The following RASGEF1C variants were observed in gnomAD, a reference collection of about 807,000 sequenced individuals.
RASGEF1C encodes ras-GEF domain-containing family member 1C.
In RASGEF1C, 27 loss-of-function variants were observed where a neutral mutation model predicts 58.1. The observed-to-expected ratio is 0.46, with a 90% confidence interval of 0.34 to 0.64. RASGEF1C has a LOEUF of 0.64. RASGEF1C is among the 30% of genes least tolerant of loss of function. RASGEF1C has a pLI of 0.01. For missense variants in RASGEF1C, 502 were observed against 605.1 expected (o/e 0.83, Z 1.79); for synonymous variants, 243 against 246.3 (o/e 0.99, Z 0.13).
Position 180,158,206 on chromosome 5 carries a change from C to T in RASGEF1C, c.-6-20148G>A, listed in dbSNP as rs186688880. Among the ~76,000 whole-genome samples the T allele has an allele frequency of 2.0e-5, 3 of 152,302 alleles. No homozygotes were observed. Among genetic ancestry groups the T allele is most frequent in the Non-Finnish European group, 4.4e-5 (3 of 68,034 alleles). On this transcript the variant is annotated intron_variant, in intron 1 of 13. Coordinates refer to ENST00000361132, the MANE Select transcript of RASGEF1C (RefSeq NM_175062.4). This position sits in a 1 kb window ranked among gnomAD's most constrained non-coding sequence, Gnocchi z 4.0. Reference sequence around the variant, plus strand: ...ATCTACTTCCTAGCTCACGCTGCTGCAGTGGGGCTCAGTTGCCCTCTGGAT... The same window carrying T: ...ATCTACTTCCTAGCTCACGCTGCTGTAGTGGGGCTCAGTTGCCCTCTGGAT...
chr5:180,119,243 C>T, intron 8 of RASGEF1C, 103 bp downstream of exon 8: 1 of 1,002,104 alleles, frequency 1.0e-6, no homozygotes, highest in Non-Finnish European at 1.6e-6. Context: ...TCCCGCTGCT[C>T]AGAGGAGAGC....
rs374899452 is a variant in RASGEF1C, at chr5:180,103,258, T to C, written c.1304-1115A>G. On this transcript the variant is annotated intron_variant, in intron 12 of 13. Transcript: ENST00000361132. Reference sequence around the variant, plus strand: ...ACGCCCGGCTAATGTTTTGTATTTTTAGTAGAGATGGGGTTTCACCGTGTT... The same window carrying C: ...ACGCCCGGCTAATGTTTTGTATTTTCAGTAGAGATGGGGTTTCACCGTGTT... Among the ~76,000 whole-genome samples the C allele has an allele frequency of 4.7e-4, 71 of 152,284 alleles. 1 individual carries two copies. In the South Asian group the frequency reaches 0.014, roughly 30 times the overall value.
chr5:180,117,439 A>G (rs1766087501), intron 10 of RASGEF1C, among the ~76,000 whole-genome samples: 1 of 152,214 alleles, frequency 6.6e-6, no homozygotes, highest in Admixed American at 6.5e-5. Flanking sequence ...GGAGACAGAC[A>G]TGCATGCACC....
chr5:180,144,925 G>A (rs1044257330), intron 1 of RASGEF1C, among the ~76,000 whole-genome samples: 11 of 152,088 alleles, frequency 7.2e-5, no homozygotes, highest in Non-Finnish European at 1.2e-4. Context: ...AGTGACTGGC[G>A]TATTTCATTC....
At chr5:180,124,460 G>A (rs1460403744) in intron 6 of RASGEF1C, among the ~76,000 whole-genome samples, 1 of 152,196 alleles carries the variant, frequency 6.6e-6, no homozygotes, top group Non-Finnish European at 1.5e-5. Flanking sequence ...ATCCAGGGAA[G>A]TGTGAAAAAG....
At chr5:180,126,806 C>T (rs1766270530) in intron 6 of RASGEF1C, among the ~76,000 whole-genome samples, 1 of 152,118 alleles carries the variant, frequency 6.6e-6, no homozygotes, top group South Asian at 2.1e-4. Flanking sequence ...GGGTGTGTAT[C>T]TGTGGGATAA....
intron 1 of RASGEF1C, among the ~76,000 whole-genome samples, chr5:180,148,924 TTATC>T (rs1766700256): frequency 2.6e-5 from 4 of 152,204 alleles, no homozygotes; most frequent in African/African-American, 9.6e-5. Flanking sequence ...CGATTCTTGT[TTATC>T]TAGGAATGTC....
chr5:180,179,029 G>T (rs1241107154), intron 1 of RASGEF1C, among the ~76,000 whole-genome samples: 1 of 152,128 alleles, frequency 6.6e-6, no homozygotes, highest in Non-Finnish European at 1.5e-5. Flanking sequence ...GAGGAGGCGG[G>T]TTTATGACCA....
intron 4 of RASGEF1C, among the ~76,000 whole-genome samples, chr5:180,132,200 T>C (rs1444500722): frequency 1.3e-5 from 2 of 152,230 alleles, no homozygotes; most frequent in Non-Finnish European, 2.9e-5. Flanking sequence ...GCTGAAGCCC[T>C]CTCTCCGCAC....
rs1187242205 is a variant in RASGEF1C at position 180,118,879 on chromosome 5, G to A, written c.908-13C>T. 5.6e-6 allele frequency: 9 copies of A among 1,613,580 alleles called. No individual in the cohort carries two copies. Among genetic ancestry groups the A allele is most frequent in the Non-Finnish European group, 7.6e-6 (9 of 1,179,620 alleles). On this transcript the variant is annotated splice_polypyrimidine_tract_variant and intron_variant, in intron 8 of 13. Transcript: ENST00000361132. ...ATGTTCATGCCGGCTGGAAGAGGGAGGAGGGTTGGAGAGGGCTGCTCCTGG... is the reference window on the plus strand; with the variant it reads ...ATGTTCATGCCGGCTGGAAGAGGGAAGAGGGTTGGAGAGGGCTGCTCCTGG...
At chr5:180,182,122 G>A (rs1057420966) in intron 1 of RASGEF1C, among the ~76,000 whole-genome samples, 2 of 149,232 alleles carry the variant, frequency 1.3e-5, no homozygotes, top group South Asian at 2.1e-4. Flanking sequence ...GGAGAATGGC[G>A]GGAACCCGGG....
At chr5:180,121,451 C>T (rs1302742950) in intron 6 of RASGEF1C, among the ~76,000 whole-genome samples, 2 of 151,930 alleles carry the variant, frequency 1.3e-5, no homozygotes, top group African/African-American at 4.8e-5. Context: ...GTAGGTGGGA[C>T]TACAGGCGCC....
Position 180,142,570 on chromosome 5 carries a change from A to G in RASGEF1C, c.-6-4512T>C, listed in dbSNP as rs1165775263. 3.3e-5 allele frequency among the ~76,000 whole-genome samples: 5 copies of G among 152,130 alleles called. No homozygotes were observed. In the East Asian group the frequency reaches 9.6e-4, roughly 29 times the overall value. On this transcript the variant is annotated intron_variant, in intron 1 of 13. Transcript: ENST00000361132. Reference sequence around the variant, plus strand: ...TCTCGAGCAGCACAGATGGCAAACAAAGGGAGCATGGACGGGGAGGTGCAC... The same window carrying G: ...TCTCGAGCAGCACAGATGGCAAACAGAGGGAGCATGGACGGGGAGGTGCAC...
intron 1 of RASGEF1C, among the ~76,000 whole-genome samples, chr5:180,190,292 C>A (rs539112617): frequency 6.6e-6 from 1 of 151,476 alleles, no homozygotes; most frequent in African/African-American, 2.4e-5. Context: ...TCGAGACCAT[C>A]CTGGCTAACA....
chr5:180,141,030 G>A (rs979068996), intron 1 of RASGEF1C, among the ~76,000 whole-genome samples: 5 of 152,176 alleles, frequency 3.3e-5, no homozygotes, highest in African/African-American at 7.2e-5. Context: ...AGGGTCCCTC[G>A]CTCCACCTGT....
intron 1 of RASGEF1C, among the ~76,000 whole-genome samples, chr5:180,165,593 C>T (rs939972151): frequency 1.3e-5 from 2 of 151,386 alleles, no homozygotes; most frequent in African/African-American, 4.9e-5. Context: ...ATCACTTGAA[C>T]CCAGGAAGTG....
chr5:180,106,439 T>C (rs1236172903), intron 12 of RASGEF1C, among the ~76,000 whole-genome samples: 1 of 152,232 alleles, frequency 6.6e-6, no homozygotes, highest in African/African-American at 2.4e-5. Context: ...AGATTTCCTC[T>C]GAGTCCTGCT....
intron 11 of RASGEF1C, among the ~76,000 whole-genome samples, chr5:180,113,779 ATTGG>A (rs1766015391): frequency 2.0e-5 from 3 of 151,426 alleles, no homozygotes. Flanking sequence ...GGACGGAGGG[ATTGG>A]GGATGGATGG....
chr5:180,182,251 C>T (rs1483069236), intron 1 of RASGEF1C, among the ~76,000 whole-genome samples: 3 of 145,044 alleles, frequency 2.1e-5, no homozygotes, highest in African/African-American at 5.1e-5. Context: ...CATGGACCTT[C>T]ACAGTGAGTG....
Sources: allele counts gnomAD v4.1 joint callset (sites outside exome capture counted in the v4.1 genomes callset), GRCh38; gene constraint gnomAD v4.1.1; non-coding constraint Gnocchi (gnomAD v3.1); transcripts MANE v1.5; gene names NCBI Gene and HGNC (gene_info 2026-07-23, HGNC 2026-07-21).